Variants in SATL1 observed in about 807,000 individuals in gnomAD.
SATL1 encodes the protein spermidine/spermine N(1)-acetyltransferase-like protein 1.
Under a neutral mutation model 51.8 loss-of-function variants are expected in SATL1, and 47 were observed. That is an observed-to-expected ratio of 0.91 (90% CI 0.72 to 1.16). The LOEUF is 1.16. Ranked by LOEUF, SATL1 falls within the 50% of genes most tolerant of loss-of-function variation. SATL1 has a pLI of 0.00. For missense variants in SATL1, 520 were observed against 526.4 expected, an observed-to-expected ratio of 0.99 and a Z score of 0.12; for synonymous variants, 176 against 182.4, an observed-to-expected ratio of 0.97 and a Z score of 0.28.
At chrX:85,146,902 G>C (rs957283053) in intron 2 of SATL1, among the ~76,000 whole-genome samples, 2 of 112,607 alleles carry the variant, frequency 1.8e-5, no homozygotes, top group Middle Eastern at 4.6e-3. Flanking sequence ...CACAGAAGAT[G>C]GGTGATTTCT....
chrX:85,093,380 T>C, intron 6 of SATL1, 155 bp from the exon 7 acceptor site: 2 of 482,401 alleles, frequency 4.1e-6, no homozygotes, highest in Non-Finnish European at 6.7e-6. Flanking sequence ...TTCATATCCC[T>C]TTTTCCTAAT....
Position 85,108,587 on chromosome X carries a change from C to T in SATL1, c.382G>A (p.Gly128Ser). The stretch of plus-strand genomic sequence containing the variant: ...TGGCTCATACCTGATTGGTTCGTGC[C>T]TATTTGCCTCATGCGTGATTGGCTG... Reference protein sequence around the residue: ...GPSQSRMRQIGTNQSGMSQPV... With the variant: ...GPSQSRMRQISTNQSGMSQPV... The change falls in exon 3 of 8, where the codon GGC (glycine) becomes AGC (serine). Residue 128 changes from glycine to serine, a missense_variant. Gly to Ser is a moderately conservative substitution (Grantham distance 56). Transcript: ENST00000644105. 5.8e-6 allele frequency: 7 copies of T among 1,205,254 alleles called. No homozygotes were observed. Among genetic ancestry groups the T allele is most frequent in the Non-Finnish European group, 7.8e-6 (7 of 891,949 alleles).
chrX:85,166,941 ATGTGTG>A (rs60077558), intron 2 of SATL1, among the ~76,000 whole-genome samples: 4,051 of 77,524 alleles, frequency 0.052, 263 homozygotes, highest in African/African-American at 0.16. Flanking sequence ...ATATATGTGT[ATGTGTG>A]TGTGTGTGTG....
intron 2 of SATL1, among the ~76,000 whole-genome samples, chrX:85,121,812 A>G (rs746214753): frequency 1.8e-5 from 2 of 109,376 alleles, no homozygotes; most frequent in South Asian, 7.8e-4. Context: ...CATACTAACT[A>G]TAAATAATAA....
intron 2 of SATL1, among the ~76,000 whole-genome samples, chrX:85,181,269 T>C (rs999002157): frequency 1.8e-5 from 2 of 108,624 alleles, no homozygotes; most frequent in Admixed American, 1.0e-4. Context: ...TCTAAGTGAA[T>C]GCCCATGGAA....
Position 85,107,993 on chromosome X carries a change from T to C in SATL1, c.976A>G (p.Arg326Gly). The C allele has an allele frequency of 8.3e-7, 1 of 1,210,567 alleles. No individual in the cohort carries two copies. ...MKQPGTWQLGRSQPGMWPQSL... is the reference protein window; with the variant it reads ...MKQPGTWQLGGSQPGMWPQSL... ...TGTGGCCACATGCCTGGTTGGCTCC[T>C]ACCTAATTGCCATGTGCCTGGTTGT... Residue 326 changes from arginine to glycine, a missense_variant, in exon 3 of 8, where the codon AGG becomes GGG. Around this residue, in one of 3 missense-constraint regions of SATL1, gnomAD observed 488 missense variants for 474.3 expected, o/e 1.03. Transcript: ENST00000644105.
chrX:85,169,075 G>A (rs1464655958), intron 2 of SATL1, among the ~76,000 whole-genome samples: 1 of 112,188 alleles, frequency 8.9e-6, no homozygotes, highest in Non-Finnish European at 1.9e-5. Context: ...GCCACATGCA[G>A]AAGACTAACT....
intron 2 of SATL1, among the ~76,000 whole-genome samples, chrX:85,150,234 C>T (rs1457994967): frequency 5.4e-5 from 6 of 111,447 alleles, no homozygotes; most frequent in African/African-American, 9.8e-5. Flanking sequence ...ATAAATTCCT[C>T]GACACATACA....
chrX:85,162,450 G>C (rs184758245), intron 2 of SATL1, among the ~76,000 whole-genome samples: 1 of 111,511 alleles, frequency 9.0e-6, no homozygotes, highest in Non-Finnish European at 1.9e-5. Context: ...TGAGTCCTTA[G>C]AGTTTTGTAG....
At chrX:85,134,436 G>A (rs1281797980) in intron 2 of SATL1, among the ~76,000 whole-genome samples, 1 of 111,414 alleles carries the variant, frequency 9.0e-6, no homozygotes. Context: ...CTATGTGCCA[G>A]GTAGGTATAA....
rs748006722 is a variant in SATL1 at position 85,153,643 on chromosome X, A to G, written c.-312-44363T>C. On this transcript the variant is annotated intron_variant, in intron 2 of 7. Transcript: ENST00000644105. ...GGAGAAATGTGATGGTTGAGTAACA[A>G]TGAAATGTTTGATTCATTCAAGGGA... is the stretch of plus-strand genomic sequence containing the variant. The G allele has an allele frequency of 1.1e-4, 12 of 111,943 alleles. No homozygotes were observed. The East Asian group carries it at 3.1e-3, about 29-fold the overall frequency. The allele number at this position is 111,943 out of a possible 1,213,427, so 9.2% of individuals were successfully genotyped here. A position where few individuals can be genotyped will look rare whatever the true frequency, so the allele number is the denominator to read the frequency against.
intron 3 of SATL1, among the ~76,000 whole-genome samples, chrX:85,104,346 C>T (rs1924978036): frequency 9.0e-6 from 1 of 111,522 alleles, no homozygotes; most frequent in Non-Finnish European, 1.9e-5. Flanking sequence ...TTTATTGTGG[C>T]TTTTTACTAT....
intron 2 of SATL1, among the ~76,000 whole-genome samples, chrX:85,199,577 T>C (rs1479740567): frequency 1.8e-5 from 2 of 112,121 alleles, no homozygotes; most frequent in Non-Finnish European, 3.8e-5. Flanking sequence ...CTATACACAA[T>C]GAAGTACGAT....
At chrX:85,125,298 G>A (rs1925594829) in intron 2 of SATL1, among the ~76,000 whole-genome samples, 1 of 108,750 alleles carries the variant, frequency 9.2e-6, no homozygotes, top group Admixed American at 9.8e-5. Context: ...CCATGAAGAG[G>A]AACCACAGGA....
intron 2 of SATL1, among the ~76,000 whole-genome samples, chrX:85,194,901 A>T (rs1479071645): frequency 9.1e-6 from 1 of 109,666 alleles, no homozygotes; most frequent in Non-Finnish European, 1.9e-5. Context: ...GAGGGATAGC[A>T]TTAGGAGAAA....
At chrX:85,240,352 C>T (rs1339263779) in intron 1 of SATL1, among the ~76,000 whole-genome samples, 3 of 111,573 alleles carry the variant, frequency 2.7e-5, no homozygotes, top group Non-Finnish European at 3.8e-5. Context: ...CAGGTGACGA[C>T]GGCCTGAACT....
intron 2 of SATL1, among the ~76,000 whole-genome samples, chrX:85,203,572 T>G (rs918355631): frequency 1.8e-5 from 2 of 111,431 alleles, no homozygotes; most frequent in Non-Finnish European, 3.8e-5. Flanking sequence ...TGGGGAAGGC[T>G]GGAGACCCCA....
At chrX:85,165,947 G>A (rs1265216059) in intron 2 of SATL1, among the ~76,000 whole-genome samples, 1 of 111,434 alleles carries the variant, frequency 9.0e-6, no homozygotes, top group African/African-American at 3.3e-5. Flanking sequence ...CAATGGAACA[G>A]AATAGAAAAC....
chrX:85,230,893 A>G (rs1291510045), intron 1 of SATL1, among the ~76,000 whole-genome samples: 2 of 112,404 alleles, frequency 1.8e-5, no homozygotes, highest in Admixed American at 1.9e-4. Flanking sequence ...CACATCTGTT[A>G]GAATGGCTAT....
Sources: allele counts gnomAD v4.1 joint callset (sites outside exome capture counted in the v4.1 genomes callset), GRCh38; gene constraint gnomAD v4.1.1; regional missense constraint gnomAD v4.1.1; transcripts MANE v1.5; gene names NCBI Gene and HGNC (gene_info 2026-07-23, HGNC 2026-07-21).